Variants in FNBP1L observed in about 807,000 individuals in gnomAD.
FNBP1L encodes formin binding protein 1 like.
A neutral mutation model predicts 91.2 loss-of-function variants in FNBP1L; 36 were observed. The observed-to-expected ratio is 0.39, with a 90% CI of 0.30 to 0.52. The LOEUF (loss-of-function observed/expected upper bound fraction) is 0.52, where lower values mean the gene tolerates loss of function less well. Among genes scored for constraint, FNBP1L ranks in the 20% least tolerant of loss-of-function variants. FNBP1L has a pLI of 0.66. For synonymous variants in FNBP1L, 242 were observed against 237.0 expected, an observed-to-expected ratio of 1.02 and a Z score of -0.19; for missense variants, 571 against 732.1, an observed-to-expected ratio of 0.78 and a Z score of 2.54.
chr1:93,500,057 G>A (rs1445632814), intron 2 of FNBP1L, among the ~76,000 whole-genome samples: 1 of 151,998 alleles, frequency 6.6e-6, no homozygotes, highest in Non-Finnish European at 1.5e-5. Context: ...AATATGTTTT[G>A]GAAGATAAAA....
intron 14 of FNBP1L, among the ~76,000 whole-genome samples, chr1:93,548,468 T>TA (rs1672309569): frequency 1.3e-5 from 2 of 152,232 alleles, no homozygotes; most frequent in African/African-American, 2.4e-5. Context: ...ACTTCCCTGT[T>TA]ACCATGATTA....
chr1:93,492,444 C>A (rs1053763263), intron 1 of FNBP1L, among the ~76,000 whole-genome samples: 6 of 152,142 alleles, frequency 3.9e-5, no homozygotes, highest in African/African-American at 1.4e-4. Flanking sequence ...GAGCTTAGAA[C>A]TTCTGTTTAT....
At chr1:93,494,612 A>G (rs772392702) in intron 1 of FNBP1L, among the ~76,000 whole-genome samples, 9 of 152,222 alleles carry the variant, frequency 5.9e-5, no homozygotes, top group Non-Finnish European at 1.3e-4. Context: ...ATGAATAACA[A>G]AAGATGCTCC....
In FNBP1L at chr1:93,532,940, G is replaced by A. The variant is rs756193665; in HGVS notation, c.658G>A (p.Glu220Lys). 9 of 1,599,900 alleles carry A rather than the reference G, an allele frequency of 5.6e-6. No individual in the cohort carries two copies. The highest frequency in any genetic ancestry group is 2.2e-5 in the East Asian group (1 of 44,604). The change falls in exon 8 of 17, where the codon GAA (glutamate) becomes AAA (lysine). Residue 220 changes from glutamate (E) to lysine (K), a missense_variant. Coordinates refer to ENST00000271234, the MANE Select transcript of FNBP1L (RefSeq NM_001164473.3). ...TTATTAGCAACTACAAGAAATGGAC[G>A]AACGAAGGACTATTAAACTCAGTGA... ...QIYKQLQEMD[E>K]RRTIKLSECY...
chr1:93,484,860 G>A (rs916352411), intron 1 of FNBP1L, among the ~76,000 whole-genome samples: 2 of 152,284 alleles, frequency 1.3e-5, no homozygotes, highest in Admixed American at 6.5e-5. Flanking sequence ...TCAAACAGAA[G>A]TGAAAGACAG....
intron 1 of FNBP1L, among the ~76,000 whole-genome samples, chr1:93,472,937 A>G (rs1282513898): frequency 6.6e-6 from 1 of 151,456 alleles, no homozygotes; most frequent in Non-Finnish European, 1.5e-5. Flanking sequence ...CATGGAAGAA[A>G]TTACTCTTTA....
intron 1 of FNBP1L, among the ~76,000 whole-genome samples, chr1:93,464,578 T>G (rs1373462762): frequency 1.3e-5 from 2 of 152,226 alleles, no homozygotes; most frequent in Non-Finnish European, 2.9e-5. Context: ...TAATTGGTTG[T>G]TTGACATGTT....
intron 2 of FNBP1L, among the ~76,000 whole-genome samples, chr1:93,514,107 G>A (rs1670973503): frequency 6.6e-6 from 1 of 151,912 alleles, no homozygotes; most frequent in African/African-American, 2.4e-5. Context: ...AAAATCACAA[G>A]CATTCTTATA....
intron 12 of FNBP1L, among the ~76,000 whole-genome samples, chr1:93,546,613 A>C (rs1036768096): frequency 1.3e-5 from 2 of 152,082 alleles, no homozygotes; most frequent in African/African-American, 4.8e-5. Context: ...GGAAGTAAGA[A>C]ATGAACTCTG....
At chr1:93,518,696 T>G (rs1400088203) in intron 2 of FNBP1L, among the ~76,000 whole-genome samples, 1 of 152,216 alleles carries the variant, frequency 6.6e-6, no homozygotes, top group Non-Finnish European at 1.5e-5. Flanking sequence ...CCTCCTCCTA[T>G]AGAAGCTTTA....
intron 1 of FNBP1L, among the ~76,000 whole-genome samples, chr1:93,490,753 G>A (rs1670065219): frequency 6.6e-6 from 1 of 152,110 alleles, no homozygotes; most frequent in Non-Finnish European, 1.5e-5. Flanking sequence ...GATGATTTCA[G>A]AATACTGCTC....
intron 5 of FNBP1L, among the ~76,000 whole-genome samples, chr1:93,524,752 T>C (rs1671443254): frequency 6.6e-6 from 1 of 151,978 alleles, no homozygotes; most frequent in Non-Finnish European, 1.5e-5. Flanking sequence ...TGACTTCATT[T>C]TTAGCATGTG....
At chr1:93,529,369 A>G (rs1451188941) in intron 5 of FNBP1L, among the ~76,000 whole-genome samples, 4 of 152,086 alleles carry the variant, frequency 2.6e-5, no homozygotes, top group African/African-American at 9.7e-5. Context: ...AGAAAGGACA[A>G]ATTTTACTTA....
chr1:93,487,212 C>T (rs2101713749), intron 1 of FNBP1L, among the ~76,000 whole-genome samples: 1 of 152,266 alleles, frequency 6.6e-6, no homozygotes, highest in East Asian at 1.9e-4. Flanking sequence ...CATTTGGCTT[C>T]TTTTTTCTTC....
intron 1 of FNBP1L, among the ~76,000 whole-genome samples, chr1:93,460,719 T>C (rs1188687371): frequency 6.6e-6 from 1 of 151,860 alleles, no homozygotes; most frequent in East Asian, 1.9e-4. Context: ...ACATGTGGAG[T>C]GTAGAAAAGT....
At chr1:93,505,023 C>G (rs747998706) in intron 2 of FNBP1L, among the ~76,000 whole-genome samples, 3 of 151,192 alleles carry the variant, frequency 2.0e-5, no homozygotes, top group Non-Finnish European at 4.4e-5. Flanking sequence ...AGATTTTCTC[C>G]TATGTTTTCT....
intron 1 of FNBP1L, among the ~76,000 whole-genome samples, chr1:93,482,491 CTT>C (rs530497942): frequency 6.2e-4 from 94 of 152,182 alleles, no homozygotes; most frequent in South Asian, 2.5e-3. Flanking sequence ...CTCTAGTGCT[CTT>C]TTAGGAGTAA....
chr1:93,516,286 C>T (rs572097568), intron 2 of FNBP1L, among the ~76,000 whole-genome samples: 2 of 152,104 alleles, frequency 1.3e-5, no homozygotes, highest in African/African-American at 2.4e-5. Context: ...AAGGGGGCAC[C>T]CGGATTTGAA....
At chr1:93,451,715 G>A (rs1668501009) in intron 1 of FNBP1L, among the ~76,000 whole-genome samples, 1 of 151,940 alleles carries the variant, frequency 6.6e-6, no homozygotes, top group Non-Finnish European at 1.5e-5. Context: ...GCAGTGGTGC[G>A]ATCTCGGGTC....
Sources: gnomAD v4.1 joint callset for allele counts (sites outside exome capture counted in the v4.1 genomes callset) on GRCh38, gnomAD v4.1.1 for gene constraint, MANE v1.5 for transcripts, NCBI Gene and HGNC (gene_info 2026-07-23, HGNC 2026-07-21) for gene names.